Variants in COX10 observed in about 807,000 individuals in gnomAD.
COX10 encodes the protein cytochrome c oxidase assembly factor heme A:farnesyltransferase COX10, also known as protoheme IX farnesyltransferase, mitochondrial.
COX10 carries 27 observed loss-of-function variants against 37.3 expected under a neutral mutation model. That is an observed-to-expected ratio of 0.72 (90% CI 0.53 to 1.00). COX10 has a LOEUF of 1.00. Ranked by LOEUF, COX10 falls within the 50% of genes least tolerant of loss-of-function variation. The pLI is 0.00. For synonymous variants in COX10, 222 were observed against 229.1 expected, an observed-to-expected ratio of 0.97 and a Z score of 0.28; for missense variants, 475 against 563.2, an observed-to-expected ratio of 0.84 and a Z score of 1.59.
At chr17:14,086,695 A>G (rs1279652385) in intron 3 of COX10, among the ~76,000 whole-genome samples, 3 of 151,888 alleles carry the variant, frequency 2.0e-5, no homozygotes, top group Non-Finnish European at 4.4e-5. Context: ...CTCCTTTTTC[A>G]TGTTTATGCT....
chr17:14,120,887 CA>C (rs1567595705), intron 4 of COX10, among the ~76,000 whole-genome samples: 2 of 152,174 alleles, frequency 1.3e-5, no homozygotes. Context: ...CCTAGAAATA[CA>C]GGAATTATGA....
intron 3 of COX10, among the ~76,000 whole-genome samples, chr17:14,079,753 C>A (rs1475003840): frequency 6.6e-6 from 1 of 151,860 alleles, no homozygotes. Context: ...TAGATAAAAA[C>A]CCCTGTGTGA....
intron 4 of COX10, among the ~76,000 whole-genome samples, chr17:14,112,650 C>T (rs932490145): frequency 3.9e-5 from 6 of 151,996 alleles, no homozygotes; most frequent in African/African-American, 1.4e-4. Flanking sequence ...AGGGAGTGGC[C>T]GTTTCTACCT....
intron 4 of COX10, among the ~76,000 whole-genome samples, chr17:14,150,147 C>T (rs1904847441): frequency 6.6e-6 from 1 of 152,006 alleles, no homozygotes; most frequent in South Asian, 2.1e-4. Context: ...GTGGCATGCA[C>T]CTGTGGTCCC....
intron 3 of COX10, among the ~76,000 whole-genome samples, chr17:14,091,017 C>T (rs887032243): frequency 2.6e-5 from 4 of 152,094 alleles, no homozygotes; most frequent in Admixed American, 6.6e-5. Flanking sequence ...AACAGCTTAG[C>T]CTTTTAATTA....
At chr17:14,202,329 A>G (rs1231138860) in intron 6 of COX10, among the ~76,000 whole-genome samples, 1 of 151,128 alleles carries the variant, frequency 6.6e-6, no homozygotes, top group East Asian at 2.0e-4. Context: ...GGCTCAAGCG[A>G]TCCTCCCTCC....
chr17:14,081,096 C>T (rs1381170379), intron 3 of COX10, among the ~76,000 whole-genome samples: 6 of 152,344 alleles, frequency 3.9e-5, no homozygotes, highest in African/African-American at 9.6e-5. Flanking sequence ...AACACAACCA[C>T]GCCCACTTGT....
At chr17:14,093,429 T>G (rs1427109715) in intron 3 of COX10, among the ~76,000 whole-genome samples, 1 of 152,120 alleles carries the variant, frequency 6.6e-6, no homozygotes, top group Non-Finnish European at 1.5e-5. Context: ...CCCAAAGTAG[T>G]GGGACTTAAA....
chr17:14,136,197 G>T (rs1423712899), intron 4 of COX10, among the ~76,000 whole-genome samples: 1 of 151,880 alleles, frequency 6.6e-6, no homozygotes, highest in Admixed American at 6.6e-5. Context: ...TCAGAAATAC[G>T]AGAAATTTTA....
At chr17:14,155,352 A>C (rs1353070740) in intron 4 of COX10, among the ~76,000 whole-genome samples, 1 of 149,852 alleles carries the variant, frequency 6.7e-6, no homozygotes, top group Non-Finnish European at 1.5e-5. Flanking sequence ...AAAAACAGCA[A>C]TCAAGTGACA....
chr17:14,110,596 C>T (rs868008141), intron 4 of COX10, among the ~76,000 whole-genome samples: 12 of 151,996 alleles, frequency 7.9e-5, no homozygotes, highest in South Asian at 2.1e-4. Context: ...GTCAAAGTAA[C>T]GCTCTTTTCT....
chr17:14,171,094 C>T (rs1350797775), intron 5 of COX10, among the ~76,000 whole-genome samples: 1 of 151,976 alleles, frequency 6.6e-6, no homozygotes, highest in Admixed American at 6.6e-5. Context: ...AGAGTGAAAA[C>T]TGTGTTTCCA....
chr17:14,185,979 G>A (rs377202994), intron 5 of COX10, among the ~76,000 whole-genome samples: 2,732 of 150,234 alleles, frequency 0.018, 42 homozygotes, highest in Middle Eastern at 0.031. Context: ...TGCTCCACCA[G>A]TGCATTTTAG....
chr17:14,207,118 T>A lies in COX10; in HGVS notation c.1237T>A (p.Phe413Ile). Residue 413 changes from phenylalanine to isoleucine, a missense_variant, in exon 7 of 7, where the codon TTC becomes ATC. Around this residue, in one of 5 missense-constraint regions of COX10, gnomAD observed 160 missense variants for 180.6 expected, o/e 0.89. Coordinates refer to ENST00000261643, the MANE Select transcript of COX10 (RefSeq NM_001303.4). ...CCGCAGGAGCTCGCGGAGACTGTTC[T>A]TCTGCAGCCTGTGGCACCTGCCGCT... ...ADRRSSRRLF[F>I]CSLWHLPLLL... The A allele has an allele frequency of 6.2e-7, 1 of 1,613,366 alleles. No individual in the cohort carries two copies. Among genetic ancestry groups the A allele is most frequent in the Non-Finnish European group, 8.5e-7 (1 of 1,179,934 alleles).
chr17:14,074,086 A>G (rs577456052), intron 1 of COX10, among the ~76,000 whole-genome samples: 1 of 152,278 alleles, frequency 6.6e-6, no homozygotes, highest in African/African-American at 2.4e-5. Context: ...AAGCATAGTG[A>G]TCCTGAAATG....
At chr17:14,156,477 C>G (rs986573613) in intron 4 of COX10, among the ~76,000 whole-genome samples, 14 of 152,216 alleles carry the variant, frequency 9.2e-5, no homozygotes. Context: ...ATCCGCCCCC[C>G]TTGGCCTCCC....
intron 4 of COX10, among the ~76,000 whole-genome samples, chr17:14,153,598 G>A (rs1904961653): frequency 6.6e-6 from 1 of 152,080 alleles, no homozygotes; most frequent in African/African-American, 2.4e-5. Flanking sequence ...CAAACACTTT[G>A]TCCTTACCAC....
chr17:14,069,702 C>A (rs1914966874), intron 1 of COX10, 54 bp downstream of exon 1: 2 of 1,607,958 alleles, frequency 1.2e-6, no homozygotes, highest in East Asian at 4.5e-5. Context: ...CTTATTACCA[C>A]GTGCGAGGCC....
At position 14,073,767 on chromosome 17, in the gene COX10, G is replaced by A. The variant is rs181521159; in HGVS notation, c.44-556G>A. Among the ~76,000 whole-genome samples, 119 of 152,156 alleles carry A rather than the reference G, an allele frequency of 7.8e-4. 5 individuals are homozygous for A. Among genetic ancestry groups the A allele is most frequent in the Admixed American group, 5.5e-3 (84 of 15,280 alleles). ...AGGAGGACCAAGGCAGAGAAGCATT[G>A]GATTTGTTGATACTTGAGAGAAGTT... is the stretch of plus-strand genomic sequence containing the variant. On this transcript the variant is annotated intron_variant, in intron 1 of 6. Transcript: ENST00000261643.
Sources: gnomAD v4.1 joint callset for allele counts (sites outside exome capture counted in the v4.1 genomes callset) on GRCh38, gnomAD v4.1.1 for gene constraint, gnomAD v4.1.1 regional missense constraint, MANE v1.5 for transcripts, NCBI Gene and HGNC (gene_info 2026-07-23, HGNC 2026-07-21) for gene names.